Variants in DYNC1I1 observed in about 807,000 individuals in gnomAD.
DYNC1I1 encodes the protein cytoplasmic dynein 1 intermediate chain 1.
Under a neutral mutation model 86.6 loss-of-function variants are expected in DYNC1I1, and 43 were observed. The observed-to-expected ratio is 0.50, with a 90% CI of 0.39 to 0.64. The LOEUF (loss-of-function observed/expected upper bound fraction) is 0.64. Among genes scored for constraint, DYNC1I1 ranks in the 30% least tolerant of loss-of-function variants. The pLI is 0.00. For synonymous variants in DYNC1I1, 262 were observed against 283.7 expected (o/e 0.92, Z 0.77); for missense variants, 604 against 788.8 (o/e 0.77, Z 2.81).
At chr7:95,935,586 C>T (rs1029453881) in intron 6 of DYNC1I1, among the ~76,000 whole-genome samples, 10 of 151,970 alleles carry the variant, frequency 6.6e-5, no homozygotes, top group African/African-American at 2.4e-4. Flanking sequence ...ATTTTGCATT[C>T]TTGCTAACAG....
intron 3 of DYNC1I1, among the ~76,000 whole-genome samples, chr7:95,811,857 C>G (rs150720558): frequency 3.9e-5 from 6 of 152,174 alleles, no homozygotes; most frequent in African/African-American, 1.4e-4. Context: ...CTCAAAATAG[C>G]CTTTGAAATT....
chr7:96,047,234 C>T (rs780245600), intron 14 of DYNC1I1, among the ~76,000 whole-genome samples: 12 of 152,158 alleles, frequency 7.9e-5, no homozygotes, highest in Non-Finnish European at 1.5e-4. Context: ...CCTTTTAATA[C>T]TATCACAGTA....
chr7:96,047,761 G>A (rs1245868393), intron 14 of DYNC1I1, among the ~76,000 whole-genome samples: 6 of 152,128 alleles, frequency 3.9e-5, no homozygotes, highest in African/African-American at 9.7e-5. Context: ...GTATATTTGC[G>A]GCCTGAAGAG....
chr7:95,901,995 A>C (rs1270763708), intron 6 of DYNC1I1, among the ~76,000 whole-genome samples: 1 of 152,226 alleles, frequency 6.6e-6, no homozygotes, highest in East Asian at 1.9e-4. Context: ...GCATAAAATG[A>C]TCCAGGTTTT....
chr7:95,773,985 G>A (rs545263753), intron 1 of DYNC1I1, among the ~76,000 whole-genome samples: 1 of 152,270 alleles, frequency 6.6e-6, no homozygotes, highest in South Asian at 2.1e-4. Flanking sequence ...AAAATGCCAA[G>A]TTTGTTCAAA....
chr7:95,846,621 C>CTGTGTGTGTGTG lies in DYNC1I1; in HGVS notation c.374+18506_374+18507insGTGTGTGTGTGT, dbSNP rs750813234. Among the ~76,000 whole-genome samples the CTGTGTGTGTGTG allele has an allele frequency of 8.5e-3, 1,022 of 120,152 alleles. 10 individuals carry two copies. The highest frequency in any genetic ancestry group is 0.013 in the South Asian group (44 of 3,330). 78.8% of individuals were successfully genotyped at this position (120,152 alleles called of 152,430 possible). Reference sequence around the variant, plus strand: ...CATTCTGAACATAAATGATAAATCTCTCTCTCTGTGTGTGTGTGTGTGTGT... The same window carrying CTGTGTGTGTGTG: ...CATTCTGAACATAAATGATAAATCTCTGTGTGTGTGTGTCTCTCTGTGTGTGTGTGTGTGTGT... On this transcript the variant is annotated intron_variant, in intron 5 of 16. Coordinates refer to ENST00000447467, the MANE Select transcript of DYNC1I1 (RefSeq NM_001135556.2).
At chr7:95,969,820 G>C (rs1368529216) in intron 6 of DYNC1I1, among the ~76,000 whole-genome samples, 1 of 152,114 alleles carries the variant, frequency 6.6e-6, no homozygotes, top group East Asian at 1.9e-4. Context: ...GTGGCCTAGA[G>C]TGTTAACAGG....
chr7:96,000,105 T>G (rs1439200393), intron 10 of DYNC1I1, among the ~76,000 whole-genome samples: 1 of 152,188 alleles, frequency 6.6e-6, no homozygotes, highest in Admixed American at 6.5e-5. Flanking sequence ...AGCTTTTCTC[T>G]TGGCTAGGCT....
chr7:96,018,713 G>A (rs536152812), intron 10 of DYNC1I1, among the ~76,000 whole-genome samples: 2 of 152,260 alleles, frequency 1.3e-5, no homozygotes, highest in South Asian at 4.1e-4. Context: ...GAAACAAGGA[G>A]AGATGTAAAA....
chr7:95,832,807 G>GA (rs1788950003), intron 5 of DYNC1I1, among the ~76,000 whole-genome samples: 2 of 152,110 alleles, frequency 1.3e-5, no homozygotes, highest in Admixed American at 6.5e-5. Context: ...CCCACTTTTT[G>GA]ATGGGATTGT....
chr7:95,789,818 G>T (rs183287518), intron 1 of DYNC1I1, among the ~76,000 whole-genome samples: 1 of 152,292 alleles, frequency 6.6e-6, no homozygotes, highest in Admixed American at 6.5e-5. Flanking sequence ...AATTGATGTA[G>T]CTCAATATAT....
Position 95,987,084 on chromosome 7 carries a change from T to G in DYNC1I1, c.772T>G (p.Phe258Val), listed in dbSNP as rs1207673826. 2 of 1,613,826 alleles carry G rather than the reference T, an allele frequency of 1.2e-6. No individual in the cohort carries two copies. ...GDVQAGANLS[F>V]NRQFYDEHWS... ...TGTTCAGGCTGGAGCCAATCTTTCT[T>G]TCAATCGTCAGTTCTATGATGAACA... is the stretch of plus-strand genomic sequence containing the variant. Residue 258 changes from phenylalanine to valine, a missense_variant, in exon 9 of 17, where the codon TTC becomes GTC. By Grantham distance (50) the Phe-to-Val change is conservative. Coordinates refer to ENST00000447467, the MANE Select transcript of DYNC1I1 (RefSeq NM_001135556.2).
intron 5 of DYNC1I1, among the ~76,000 whole-genome samples, chr7:95,861,896 A>G (rs1050753146): frequency 1.4e-4 from 22 of 152,280 alleles, no homozygotes; most frequent in African/African-American, 4.6e-4. Flanking sequence ...AGTGGCATCA[A>G]TGAAAATCAA....
At chr7:95,870,547 A>G (rs1719789800) in intron 6 of DYNC1I1, among the ~76,000 whole-genome samples, 2 of 152,256 alleles carry the variant, frequency 1.3e-5, no homozygotes, top group Admixed American at 6.5e-5. Context: ...GGCCCTTTAC[A>G]GAAAACCTTT....
chr7:95,834,540 G>A (rs1006390629), intron 5 of DYNC1I1, among the ~76,000 whole-genome samples: 6 of 129,826 alleles, frequency 4.6e-5, no homozygotes, highest in African/African-American at 1.8e-4. Context: ...AGTTTCAGAA[G>A]GAATGGTACC....
intron 6 of DYNC1I1, among the ~76,000 whole-genome samples, chr7:95,946,266 C>G (rs1320390512): frequency 6.6e-6 from 1 of 151,802 alleles, no homozygotes; most frequent in African/African-American, 2.4e-5. Flanking sequence ...ACCTATGTCA[C>G]AAACCTGCAC....
In DYNC1I1 at chr7:95,930,950, G is replaced by A. The variant is rs551179367; in HGVS notation, c.491-46562G>A. Among the ~76,000 whole-genome samples the A allele has an allele frequency of 7.1e-4, 108 of 152,286 alleles. 2 individuals carry two copies. The highest frequency in any genetic ancestry group is 2.6e-3 in the African/African-American group (106 of 41,548). On this transcript the variant is annotated intron_variant, in intron 6 of 16. Transcript: ENST00000447467. ...ACAGTATTTCAGTGTTCACAGGACAGCTAATTGGAGAACAAAGCCCTGGCA... is the reference window on the plus strand; with the variant it reads ...ACAGTATTTCAGTGTTCACAGGACAACTAATTGGAGAACAAAGCCCTGGCA...
intron 6 of DYNC1I1, among the ~76,000 whole-genome samples, chr7:95,944,790 G>A (rs538963653): frequency 4.0e-5 from 6 of 148,696 alleles, no homozygotes; most frequent in South Asian, 2.2e-4. Flanking sequence ...ACCAAATACC[G>A]CATATTCTCA....
At chr7:95,876,826 G>T (rs1363898047) in intron 6 of DYNC1I1, among the ~76,000 whole-genome samples, 3 of 152,144 alleles carry the variant, frequency 2.0e-5, no homozygotes, top group Admixed American at 1.3e-4. Context: ...AGCACATGGG[G>T]CATGTGAGAT....
Sources: gnomAD v4.1 joint callset for allele counts (sites outside exome capture counted in the v4.1 genomes callset) on GRCh38, gnomAD v4.1.1 for gene constraint, MANE v1.5 for transcripts, NCBI Gene and HGNC (gene_info 2026-07-23, HGNC 2026-07-21) for gene names.